The following IL1RAPL2 variants were observed in gnomAD, a reference collection of about 807,000 sequenced individuals.
IL1RAPL2 encodes the protein X-linked interleukin-1 receptor accessory protein-like 2.
A neutral mutation model predicts 44.1 loss-of-function variants in IL1RAPL2; 3 were observed. The ratio of observed to expected loss-of-function variants is 0.07; its 90% CI spans 0.03 to 0.18. IL1RAPL2 has a LOEUF of 0.18. IL1RAPL2 is among the 10% of genes least tolerant of loss of function. The pLI, the probability that IL1RAPL2 is intolerant of heterozygous loss-of-function variation, is 1.00. For synonymous variants in IL1RAPL2, 181 were observed against 178.8 expected (o/e 1.01, Z -0.10); for missense variants, 391 against 496.4 (o/e 0.79, Z 2.02).
chrX:105,329,984 C>T (rs1394400231), intron 5 of IL1RAPL2, among the ~76,000 whole-genome samples: 1 of 110,799 alleles, frequency 9.0e-6, no homozygotes, highest in Non-Finnish European at 1.9e-5. Context: ...TTGAATAGCA[C>T]CTGTCCAGAG....
chrX:105,169,316 A>G (rs2033400149), intron 2 of IL1RAPL2, among the ~76,000 whole-genome samples: 1 of 108,592 alleles, frequency 9.2e-6, no homozygotes, highest in Non-Finnish European at 1.9e-5. Flanking sequence ...AATTTGATAA[A>G]ATAGTCTATG....
intron 5 of IL1RAPL2, among the ~76,000 whole-genome samples, chrX:105,479,890 A>G (rs937176279): frequency 7.2e-5 from 8 of 111,883 alleles, no homozygotes; most frequent in Non-Finnish European, 1.5e-4. Flanking sequence ...CTGTAAATGT[A>G]GGAAACATTG....
intron 5 of IL1RAPL2, among the ~76,000 whole-genome samples, chrX:105,380,177 T>C (rs2035418966): frequency 8.9e-6 from 1 of 111,960 alleles, no homozygotes; most frequent in African/African-American, 3.2e-5. Flanking sequence ...CAGCTATATA[T>C]GCCTTTGATG....
intron 2 of IL1RAPL2, among the ~76,000 whole-genome samples, chrX:105,168,205 C>T (rs1424790577): frequency 8.9e-6 from 1 of 111,908 alleles, no homozygotes; most frequent in Non-Finnish European, 1.9e-5. Flanking sequence ...TGCTAGAAGT[C>T]TTGTCATTTT....
chrX:105,115,717 G>A (rs1284459085), intron 2 of IL1RAPL2, among the ~76,000 whole-genome samples: 1 of 113,150 alleles, frequency 8.8e-6, no homozygotes, highest in African/African-American at 3.2e-5. Flanking sequence ...GGCCGCAGGT[G>A]GAGCCGCCTG....
chrX:105,213,839 G>T (rs57869048), intron 3 of IL1RAPL2, among the ~76,000 whole-genome samples: 2 of 110,388 alleles, frequency 1.8e-5, no homozygotes, highest in Non-Finnish European at 3.8e-5. Flanking sequence ...TTAAAGAAAA[G>T]AATTTTCAAC....
intron 3 of IL1RAPL2, among the ~76,000 whole-genome samples, chrX:105,205,565 C>T (rs1312541999): frequency 1.3e-5 from 1 of 76,891 alleles, no homozygotes; most frequent in African/African-American, 4.9e-5. Context: ...ACTCCAGCCT[C>T]GGCGACAGAG....
intron 5 of IL1RAPL2, among the ~76,000 whole-genome samples, chrX:105,434,664 C>G (rs1474292831): frequency 8.9e-6 from 1 of 111,895 alleles, no homozygotes; most frequent in Non-Finnish European, 1.9e-5. Context: ...CTGTAGGTTG[C>G]CTGTTCGCTG....
intron 5 of IL1RAPL2, among the ~76,000 whole-genome samples, chrX:105,449,500 C>T (rs1273106786): frequency 1.8e-5 from 2 of 110,023 alleles, no homozygotes; most frequent in East Asian, 2.9e-4. Flanking sequence ...AGGAGAATGG[C>T]GTGAACCCGG....
At chrX:105,580,390 G>A (rs1197596622) in intron 6 of IL1RAPL2, among the ~76,000 whole-genome samples, 18 of 79,001 alleles carry the variant, frequency 2.3e-4, no homozygotes, top group African/African-American at 8.8e-4. Context: ...TGCATACTTT[G>A]GTGAAGGCCA....
chrX:105,530,104 A>G (rs73245784), intron 6 of IL1RAPL2, among the ~76,000 whole-genome samples: 10,474 of 112,017 alleles, frequency 0.094, 525 homozygotes, highest in Non-Finnish European at 0.15. Context: ...GGGGGAACAT[A>G]TGGTACATAT....
At chrX:104,983,578 C>A (rs2030497785) in intron 2 of IL1RAPL2, among the ~76,000 whole-genome samples, 1 of 66,216 alleles carries the variant, frequency 1.5e-5, no homozygotes, top group African/African-American at 4.8e-5. Flanking sequence ...ATATTATAGA[C>A]ATAATATATA....
At chrX:104,889,338 A>C (rs1249530125) in intron 2 of IL1RAPL2, among the ~76,000 whole-genome samples, 1 of 111,814 alleles carries the variant, frequency 8.9e-6, no homozygotes, top group Middle Eastern at 4.2e-3. Context: ...AATAGAACAC[A>C]GGGAGCCACT....
chrX:104,792,934 C>G (rs1308258693), intron 2 of IL1RAPL2, among the ~76,000 whole-genome samples: 1 of 112,048 alleles, frequency 8.9e-6, no homozygotes, highest in African/African-American at 3.2e-5. Context: ...GTAACTATTA[C>G]TAAGCTGTCT....
intron 2 of IL1RAPL2, among the ~76,000 whole-genome samples, chrX:105,085,307 C>T (rs1305969926): frequency 9.0e-6 from 1 of 111,570 alleles, no homozygotes; most frequent in Non-Finnish European, 1.9e-5. Context: ...AATATATAAG[C>T]AACTCAAAAA....
intron 2 of IL1RAPL2, among the ~76,000 whole-genome samples, chrX:105,060,536 AT>A (rs2032058094): frequency 2.0e-5 from 2 of 99,053 alleles, no homozygotes; most frequent in Non-Finnish European, 4.1e-5. Context: ...ATCAATGTTT[AT>A]TAGGGATATT....
At chrX:105,118,032 TGTTA>T (rs1203078942) in intron 2 of IL1RAPL2, among the ~76,000 whole-genome samples, 5 of 112,532 alleles carry the variant, frequency 4.4e-5, no homozygotes, top group Admixed American at 1.9e-4. Context: ...AAACTGTCTC[TGTTA>T]GTTGTTGCCT....
chrX:104,662,351 A>G (rs971731229), intron 2 of IL1RAPL2, among the ~76,000 whole-genome samples: 44 of 112,238 alleles, frequency 3.9e-4, no homozygotes, highest in African/African-American at 1.4e-3. Context: ...TAAAATGCAC[A>G]GCATTTAATT....
chrX:105,603,781 A>T (rs1183023375), intron 6 of IL1RAPL2, among the ~76,000 whole-genome samples: 1 of 111,986 alleles, frequency 8.9e-6, no homozygotes, highest in Non-Finnish European at 1.9e-5. Flanking sequence ...TTAGACCACA[A>T]TACAAATTTT....
Sources: gnomAD v4.1 joint callset for allele counts (sites outside exome capture counted in the v4.1 genomes callset) on GRCh38, gnomAD v4.1.1 for gene constraint, MANE v1.5 for transcripts, NCBI Gene and HGNC (gene_info 2026-07-23, HGNC 2026-07-21) for gene names.